SPHKAP: variants seen among roughly 807,000 people sequenced by gnomAD.
The protein encoded by SPHKAP is SPHK1 interactor, AKAP domain containing.
Under a neutral mutation model 137.5 loss-of-function variants are expected in SPHKAP, and 67 were observed. That is an observed-to-expected ratio of 0.49 (90% CI 0.40 to 0.60). The LOEUF (loss-of-function observed/expected upper bound fraction) is 0.60, where lower values mean the gene tolerates loss of function less well. SPHKAP is among the 20% of genes least tolerant of loss of function. The pLI is 0.00. For synonymous variants in SPHKAP, 813 were observed against 785.3 expected, an observed-to-expected ratio of 1.04 and a Z score of -0.59; for missense variants, 2,097 against 2,069.3, an observed-to-expected ratio of 1.01 and a Z score of -0.26.
At chr2:228,118,111 G>A (rs372587777) in intron 2 of SPHKAP, among the ~76,000 whole-genome samples, 4 of 151,868 alleles carry the variant, frequency 2.6e-5, no homozygotes, top group Non-Finnish European at 2.9e-5. Flanking sequence ...CCTATAATAC[G>A]TAGCCTTTTA....
chr2:228,085,377 C>T (rs1252846777), intron 3 of SPHKAP, among the ~76,000 whole-genome samples: 1 of 152,146 alleles, frequency 6.6e-6, no homozygotes, highest in Non-Finnish European at 1.5e-5. Flanking sequence ...AATATGTAAA[C>T]ATTCTGATGA....
chr2:228,100,964 C>T (rs1185386707), intron 3 of SPHKAP, among the ~76,000 whole-genome samples: 2 of 152,114 alleles, frequency 1.3e-5, no homozygotes, highest in Non-Finnish European at 2.9e-5. Context: ...TGGCCAAGCA[C>T]TTTTTATAAG....
intron 3 of SPHKAP, among the ~76,000 whole-genome samples, chr2:228,107,518 T>A (rs1264740888): frequency 6.6e-6 from 1 of 152,174 alleles, no homozygotes; most frequent in Admixed American, 6.6e-5. Flanking sequence ...ATTCTCATTG[T>A]AGGTCTGAAA....
chr2:228,123,241 C>G (rs568372839), intron 2 of SPHKAP, among the ~76,000 whole-genome samples: 1 of 152,040 alleles, frequency 6.6e-6, no homozygotes, highest in Non-Finnish European at 1.5e-5. Context: ...TAAAAATATC[C>G]CCATTTCTTC....
At position 227,981,630 on chromosome 2, in the gene SPHKAP, T is replaced by C. The variant is rs1574702596; in HGVS notation, c.*87A>G. The C allele has an allele frequency of 1.4e-6, 2 of 1,476,810 alleles. No individual in the cohort carries two copies. The highest frequency in any genetic ancestry group is 1.8e-6 in the Non-Finnish European group (2 of 1,101,720). 91.5% of individuals were successfully genotyped at this position (1,476,810 alleles called of 1,614,324 possible). A position where few individuals can be genotyped will look rare whatever the true frequency, so the allele number is the denominator to read the frequency against. ...AGTTCTGCTAATGTGATGTGATGTT[T>C]TGAGAATGTTTAGAGCATTTAGAAC... On this transcript the variant is annotated 3_prime_UTR_variant, in exon 12 of 12. Coordinates refer to ENST00000392056, the MANE Select transcript of SPHKAP (RefSeq NM_001142644.2).
At position 228,016,848 on chromosome 2, in the gene SPHKAP, C is replaced by A. The variant is rs763870430; in HGVS notation, c.4006G>T (p.Val1336Phe). Residue 1336 changes from valine to phenylalanine, a missense_variant, in exon 7 of 12, where the codon GTT (valine) becomes TTT (phenylalanine). Coordinates refer to ENST00000392056, the MANE Select transcript of SPHKAP (RefSeq NM_001142644.2). ...DDAEEADTEP[V>F]SGGSPSQAEK... ...GCTTGCGAGGGAGAGCCACCAGAAACAGGCTCAGTGTCAGCTTCCTCTGCA... is the reference window on the plus strand; with the variant it reads ...GCTTGCGAGGGAGAGCCACCAGAAAAAGGCTCAGTGTCAGCTTCCTCTGCA... The A allele has an allele frequency of 5.0e-6, 8 of 1,613,980 alleles. No homozygotes were observed. In the African/African-American group the frequency reaches 9.3e-5, roughly 19 times the overall value.
chr2:228,163,015 G>A (rs898421780), intron 1 of SPHKAP, among the ~76,000 whole-genome samples: 29 of 152,152 alleles, frequency 1.9e-4, no homozygotes, highest in Non-Finnish European at 3.5e-4. Flanking sequence ...CCTTCTTAAA[G>A]CCAGTACCAT....
At position 228,018,199 on chromosome 2, in the gene SPHKAP, T is replaced by A; in HGVS notation, c.2655A>T (p.Glu885Asp). 1 of 1,614,134 alleles carries A rather than the reference T, an allele frequency of 6.2e-7. No individual in the cohort carries two copies. Among genetic ancestry groups the A allele is most frequent in the Non-Finnish European group, 8.5e-7 (1 of 1,180,024 alleles). Residue 885 changes from glutamate to aspartate, a missense_variant, in exon 7 of 12, where the codon GAA (glutamate) becomes GAT (aspartate). Glu to Asp is a conservative substitution (Grantham distance 45, BLOSUM62 2). Transcript: ENST00000392056. ...TGCGAGATGTGGCACAGTTGTACTTTTCTTGGGTGTTTGGGTGGATACTCT... is the reference window on the plus strand; with the variant it reads ...TGCGAGATGTGGCACAGTTGTACTTATCTTGGGTGTTTGGGTGGATACTCT... ...AEESIHPNTQ[E>D]KYNCATSRIN... is the part of the protein sequence containing the mutation.
rs760900632 is a variant in SPHKAP, at chr2:228,018,807, C to T, written c.2047G>A (p.Val683Ile). ...NVILRHSIDE[V>I]HHKNMIIDPN... ...TCGATTATCATATTTTTGTGGTGAA[C>T]TTCATCAATGGAATGCCTCAGGATA... The change falls in exon 7 of 12, where the codon GTT (valine) becomes ATT (isoleucine). Residue 683 changes from valine (V) to isoleucine (I), a missense_variant. Physicochemically the swap from Val to Ile is conservative, Grantham distance 29. Transcript: ENST00000392056. The T allele has an allele frequency of 5.0e-6, 8 of 1,614,056 alleles. No homozygotes were observed. The highest frequency in any genetic ancestry group is 3.3e-5 in the South Asian group (3 of 91,080).
chr2:228,091,922 C>G (rs888365468), intron 3 of SPHKAP, among the ~76,000 whole-genome samples: 3 of 151,942 alleles, frequency 2.0e-5, no homozygotes, highest in Admixed American at 2.0e-4. Context: ...TACTGGGTAT[C>G]TACCCAGAGG....
At chr2:228,015,557 A>G (rs1213879177) in intron 7 of SPHKAP, among the ~76,000 whole-genome samples, 1 of 152,210 alleles carries the variant, frequency 6.6e-6, no homozygotes, top group Non-Finnish European at 1.5e-5. Flanking sequence ...TAAATTTTCT[A>G]CAGAAAATAT....
At chr2:227,994,353 C>G (rs1314100463) in intron 8 of SPHKAP, among the ~76,000 whole-genome samples, 1 of 152,166 alleles carries the variant, frequency 6.6e-6, no homozygotes, top group East Asian at 1.9e-4. Context: ...CTGACTGAAA[C>G]ACAGCAAAGT....
intron 3 of SPHKAP, among the ~76,000 whole-genome samples, chr2:228,050,919 A>ACCTTAG (rs1696233068): frequency 6.6e-6 from 1 of 152,002 alleles, no homozygotes; most frequent in Admixed American, 6.6e-5. Flanking sequence ...TGGTCCTCCC[A>ACCTTAG]CCTTAGCCTC....
In SPHKAP at chr2:227,981,424, A is replaced by T. The variant is rs16824278; in HGVS notation, c.*293T>A. 0.017 allele frequency: 4,058 copies of T among 233,554 alleles called. 168 individuals are homozygous for T. The highest frequency in any genetic ancestry group is 0.086 in the African/African-American group (3,813 of 44,578). 14.5% of individuals were successfully genotyped at this position (233,554 alleles called of 1,614,324 possible). On this transcript the variant is annotated 3_prime_UTR_variant, in exon 12 of 12. Transcript: ENST00000392056. ...TTATGTGAGTGTTGTTTTCCTGGAG[A>T]TTGGGTCTCATTATAAGCATTCTAA...
chr2:228,053,432 A>G (rs1696329380), intron 3 of SPHKAP, among the ~76,000 whole-genome samples: 1 of 152,242 alleles, frequency 6.6e-6, no homozygotes, highest in Admixed American at 6.5e-5. Flanking sequence ...CTGTTTGTCC[A>G]GAGAGGAATT....
chr2:228,069,369 G>C (rs1328354893), intron 3 of SPHKAP, among the ~76,000 whole-genome samples: 1 of 151,740 alleles, frequency 6.6e-6, no homozygotes, highest in Non-Finnish European at 1.5e-5. Flanking sequence ...TCCACTCCTT[G>C]CACTGTACCT....
Position 228,143,517 on chromosome 2 carries a change from T to A in SPHKAP, c.33-11432A>T, listed in dbSNP as rs1699669812. Among the ~76,000 whole-genome samples the A allele has an allele frequency of 3.3e-5, 5 of 151,914 alleles. No individual in the cohort carries two copies. In the South Asian group the frequency reaches 1.0e-3, roughly 32 times the overall value. ...TTAATTTTAATTTTAATTTTTGAGA[T>A]GGGGGTCTCACTCTGTCGCCCAGGC... On this transcript the variant is annotated intron_variant, in intron 1 of 11. Coordinates refer to ENST00000392056, the MANE Select transcript of SPHKAP (RefSeq NM_001142644.2).
Position 228,085,199 on chromosome 2 carries a change from A to G in SPHKAP, c.246+23633T>C, listed in dbSNP as rs147966534. On this transcript the variant is annotated intron_variant, in intron 3 of 11. Transcript: ENST00000392056. Reference sequence around the variant, plus strand: ...AAGGGTCTTAAAATTTTGAGCTCACATAGTAAAGTCACTTGGGAATTTGTA... The same window carrying G: ...AAGGGTCTTAAAATTTTGAGCTCACGTAGTAAAGTCACTTGGGAATTTGTA... Among the ~76,000 whole-genome samples, 637 of 152,356 alleles carry G rather than the reference A, an allele frequency of 4.2e-3. 7 individuals carry two copies. Among genetic ancestry groups the G allele is most frequent in the African/African-American group, 0.015 (607 of 41,598 alleles).
chr2:228,007,021 A>C (rs1694169149), intron 7 of SPHKAP, among the ~76,000 whole-genome samples: 1 of 152,160 alleles, frequency 6.6e-6, no homozygotes, highest in African/African-American at 2.4e-5. Context: ...GTCCATTCTC[A>C]TATCTCCAAC....
Sources: allele counts gnomAD v4.1 joint callset (sites outside exome capture counted in the v4.1 genomes callset), GRCh38; gene constraint gnomAD v4.1.1; transcripts MANE v1.5; gene names NCBI Gene and HGNC (gene_info 2026-07-23, HGNC 2026-07-21).